The following ALG6 variants were observed in gnomAD, a reference collection of about 807,000 sequenced individuals.
ALG6 encodes ALG6 alpha-1,3-glucosyltransferase, also known as dolichyl pyrophosphate Man9GlcNAc2 alpha-1,3-glucosyltransferase.
A neutral mutation model predicts 66.6 loss-of-function variants in ALG6; 46 were observed. The ratio of observed to expected loss-of-function variants is 0.69; its 90% CI spans 0.55 to 0.88. The LOEUF is 0.88. Among genes scored for constraint, ALG6 ranks in the 40% least tolerant of loss-of-function variants. The pLI, the probability that ALG6 is intolerant of heterozygous loss-of-function variation, is 0.00. For synonymous variants in ALG6, 185 were observed against 203.7 expected, an observed-to-expected ratio of 0.91 and a Z score of 0.78; for missense variants, 505 against 586.8, an observed-to-expected ratio of 0.86 and a Z score of 1.44.
intron 2 of ALG6, among the ~76,000 whole-genome samples, chr1:63,381,852 G>T (rs1648319629): frequency 2.6e-5 from 4 of 152,172 alleles, no homozygotes; most frequent in Admixed American, 6.5e-5. Flanking sequence ...ACTATTTTTG[G>T]TATCCTAATT....
At chr1:63,397,606 A>T (rs1644410442) in intron 3 of ALG6, among the ~76,000 whole-genome samples, 1 of 152,208 alleles carries the variant, frequency 6.6e-6, no homozygotes, top group South Asian at 2.1e-4. Flanking sequence ...TGTTTCTGAA[A>T]ACTCAGAGAA....
At chr1:63,422,877 C>T (rs1012442804) in intron 12 of ALG6, among the ~76,000 whole-genome samples, 1 of 151,898 alleles carries the variant, frequency 6.6e-6, no homozygotes, top group Non-Finnish European at 1.5e-5. Context: ...ATTGCTTGAA[C>T]CCAGGAGGTG....
intron 12 of ALG6, among the ~76,000 whole-genome samples, chr1:63,419,688 C>T (rs1394872476): frequency 6.6e-6 from 1 of 152,032 alleles, no homozygotes; most frequent in Non-Finnish European, 1.5e-5. Context: ...CTTATATTTT[C>T]TACATGCTAA....
At chr1:63,410,537 G>C in intron 7 of ALG6, among the ~76,000 whole-genome samples, 1 of 152,116 alleles carries the variant, frequency 6.6e-6, no homozygotes. Context: ...TTACAGGTGT[G>C]AGCCACGACT....
At chr1:63,393,079 C>T (rs1250438970) in intron 2 of ALG6, among the ~76,000 whole-genome samples, 1 of 152,148 alleles carries the variant, frequency 6.6e-6, no homozygotes, top group African/African-American at 2.4e-5. Context: ...TTAAGATTCT[C>T]TCTGACTTTT....
At chr1:63,390,713 C>A (rs1246781497) in intron 2 of ALG6, among the ~76,000 whole-genome samples, 1 of 152,180 alleles carries the variant, frequency 6.6e-6, no homozygotes, top group Non-Finnish European at 1.5e-5. Context: ...TAGGACTAGC[C>A]TAAATGCTCC....
rs571761350 is a variant in ALG6 at position 63,408,976 on chromosome 1, C to T, written c.494+1850C>T. Among the ~76,000 whole-genome samples, 159 of 152,256 alleles carry T rather than the reference C, an allele frequency of 1.0e-3. 1 individual carries two copies. Among genetic ancestry groups the T allele is most frequent in the Admixed American group, 3.7e-3 (56 of 15,296 alleles). ...TGTATTTTTAGTAGAGACAGGGTTT[C>T]ACTGTGTTGGCCAGACTGGTCTCAA... On this transcript the variant is annotated intron_variant, in intron 7 of 14. Transcript: ENST00000263440.
At chr1:63,396,731 T>G in intron 3 of ALG6, 134 bp downstream of exon 3, 3 of 789,306 alleles carry the variant, frequency 3.8e-6, no homozygotes, top group South Asian at 3.1e-5. Flanking sequence ...ACATATGTAT[T>G]GCCTTGCATT....
Position 63,436,869 on chromosome 1 carries a change from T to C in ALG6, c.1373T>C (p.Val458Ala). 6.2e-7 allele frequency: 1 copy of C among 1,613,896 alleles called. No individual in the cohort carries two copies. The highest frequency in any genetic ancestry group is 2.2e-5 in the East Asian group (1 of 44,872). The change falls in exon 15 of 15, where the codon GTC becomes GCC. Residue 458 changes from valine (V) to alanine (A), a missense_variant. Transcript: ENST00000263440. ...ATGGTGCTTCTGACGTTGATGACTG[T>C]CACACTGGATCCTCCTCAGAAACTA... ...ITMVLLTLMT[V>A]TLDPPQKLPD...
At position 63,427,461 on chromosome 1, in the gene ALG6, A is replaced by G. The variant is rs535067991; in HGVS notation, c.1059-1272A>G. On this transcript the variant is annotated intron_variant, in intron 12 of 14. Coordinates refer to ENST00000263440, the MANE Select transcript of ALG6 (RefSeq NM_013339.4). ...TTTTTAAAATAAAGAGATTCAAAAT[A>G]ATGATAACAATTATTCAACAACCAC... Among the ~76,000 whole-genome samples the G allele has an allele frequency of 2.6e-5, 4 of 152,306 alleles. No individual in the cohort carries two copies. The South Asian group carries it at 6.2e-4, about 24-fold the overall frequency.
intron 11 of ALG6, among the ~76,000 whole-genome samples, chr1:63,419,058 G>T (rs1644560332): frequency 6.6e-6 from 1 of 152,116 alleles, no homozygotes; most frequent in South Asian, 2.1e-4. Context: ...TAAGTTGTCT[G>T]AGATTCCAGG....
intron 2 of ALG6, among the ~76,000 whole-genome samples, chr1:63,383,691 A>G (rs1648410301): frequency 6.6e-6 from 1 of 152,182 alleles, no homozygotes; most frequent in South Asian, 2.1e-4. Context: ...TTCCATTTAT[A>G]CTTTCAGTTA....
At chr1:63,377,414 A>G (rs1459099738) in intron 2 of ALG6, among the ~76,000 whole-genome samples, 2 of 152,026 alleles carry the variant, frequency 1.3e-5, no homozygotes, top group Middle Eastern at 3.4e-3. Flanking sequence ...TCTTTACTGT[A>G]TGTTTAGATA....
chr1:63,393,929 GA>G (rs1648744673), intron 2 of ALG6, among the ~76,000 whole-genome samples: 1 of 149,112 alleles, frequency 6.7e-6, no homozygotes, highest in African/African-American at 2.6e-5. Context: ...CTGAGAGATA[GA>G]GAGACAGAGA....
At chr1:63,373,558 A>T (rs1381219123) in intron 2 of ALG6, among the ~76,000 whole-genome samples, 1 of 151,132 alleles carries the variant, frequency 6.6e-6, no homozygotes, top group Non-Finnish European at 1.5e-5. Flanking sequence ...TCATCCCATT[A>T]CACTTTAGCC....
chr1:63,405,166 A>G (rs555953648), intron 5 of ALG6, among the ~76,000 whole-genome samples: 5 of 152,168 alleles, frequency 3.3e-5, no homozygotes, highest in South Asian at 2.1e-4. Flanking sequence ...TTCTCCTTAC[A>G]ATTCATCCAG....
chr1:63,433,278 T>C lies in ALG6; in HGVS notation c.1327-3545T>C, dbSNP rs1367139038. On this transcript the variant is annotated intron_variant, in intron 14 of 14. Coordinates refer to ENST00000263440, the MANE Select transcript of ALG6 (RefSeq NM_013339.4). The surrounding 1 kb of genome is among the most constrained non-coding windows in gnomAD (Gnocchi z 4.2). Reference sequence around the variant, plus strand: ...CTTATTTATATTTTTGAGTACTACATAGAGGATTGCCCAAAGTACCCAGAT... The same window carrying C: ...CTTATTTATATTTTTGAGTACTACACAGAGGATTGCCCAAAGTACCCAGAT... 6.6e-6 allele frequency among the ~76,000 whole-genome samples: 1 copy of C among 152,150 alleles called. No homozygotes were observed. The highest frequency in any genetic ancestry group is 1.5e-5 in the Non-Finnish European group (1 of 68,020).
chr1:63,382,679 G>GTT (rs59573321), intron 2 of ALG6, among the ~76,000 whole-genome samples: 3 of 19,764 alleles, frequency 1.5e-4, no homozygotes, highest in Non-Finnish European at 2.9e-4. Context: ...TTTTTTTTTT[G>GTT]TTTTTTTTTT....
At chr1:63,405,750 G>A (rs540973874) in intron 5 of ALG6, among the ~76,000 whole-genome samples, 3 of 152,012 alleles carry the variant, frequency 2.0e-5, no homozygotes, top group Non-Finnish European at 1.5e-5. Flanking sequence ...AGACAGCTAT[G>A]TTATACATTT....
Sources: allele counts gnomAD v4.1 joint callset (sites outside exome capture counted in the v4.1 genomes callset), GRCh38; gene constraint gnomAD v4.1.1; non-coding constraint Gnocchi (gnomAD v3.1); transcripts MANE v1.5; gene names NCBI Gene and HGNC (gene_info 2026-07-23, HGNC 2026-07-21).